CNIH3: variants seen among roughly 807,000 people sequenced by gnomAD.
CNIH3 encodes protein cornichon homolog 3.
In CNIH3, 14 loss-of-function variants were observed where a neutral mutation model predicts 24.1. That is an observed-to-expected ratio of 0.58 (90% CI 0.38 to 0.91). The LOEUF is 0.91. Ranked by LOEUF, CNIH3 falls within the 40% of genes least tolerant of loss-of-function variation. The probability of loss-of-function intolerance (pLI) is 0.00; values close to 1 mark genes in which losing one functional copy is unlikely to be tolerated. For synonymous variants in CNIH3, 68 were observed against 73.8 expected, an observed-to-expected ratio of 0.92 and a Z score of 0.40; for missense variants, 178 against 196.8, an observed-to-expected ratio of 0.90 and a Z score of 0.57.
upstream of CNIH3, among the ~76,000 whole-genome samples, chr1:224,613,373 AC>A: frequency 6.6e-6 from 1 of 152,312 alleles, no homozygotes; most frequent in East Asian, 1.9e-4. Flanking sequence ...ATAGGGTATA[AC>A]CCAGAGCAGG....
At chr1:224,438,860 A>G (rs890639362) in intron 1 of CNIH3, among the ~76,000 whole-genome samples, 16 of 152,342 alleles carry the variant, frequency 1.1e-4, no homozygotes, top group African/African-American at 3.6e-4. Flanking sequence ...GGGTCATGAG[A>G]TAACGAATAT....
At chr1:224,493,263 T>C (rs1023971902) in intron 1 of CNIH3, among the ~76,000 whole-genome samples, 6 of 152,194 alleles carry the variant, frequency 3.9e-5, no homozygotes, top group African/African-American at 1.4e-4. Flanking sequence ...GTGTAATATA[T>C]ATGCGGAAAT....
chr1:224,560,214 T>A (rs944441656), intron 3 of CNIH3, among the ~76,000 whole-genome samples: 1 of 152,220 alleles, frequency 6.6e-6, no homozygotes, highest in East Asian at 1.9e-4. Flanking sequence ...TCCTATATTA[T>A]GTAAAACCAC....
chr1:224,581,256 G>GT (rs888876014), intron 4 of CNIH3, among the ~76,000 whole-genome samples: 51 of 151,932 alleles, frequency 3.4e-4, no homozygotes, highest in Admixed American at 8.5e-4. Context: ...GGTTTTGATG[G>GT]TTTTTTTGGA....
chr1:224,670,674 AGT>A (rs919164368), intron 1 of CNIH3, among the ~76,000 whole-genome samples: 6 of 152,094 alleles, frequency 3.9e-5, no homozygotes, highest in Non-Finnish European at 5.9e-5. Context: ...TCCTAAGATG[AGT>A]GTGTGCCAAG....
At chr1:224,607,107 G>T (rs1682459731) in intron 3 of CNIH3, among the ~76,000 whole-genome samples, 1 of 152,198 alleles carries the variant, frequency 6.6e-6, no homozygotes, top group Non-Finnish European at 1.5e-5. Flanking sequence ...GCCATCTTAG[G>T]TATACAAGGG....
chr1:224,596,652 A>T (rs560553619), intron 3 of CNIH3, among the ~76,000 whole-genome samples: 1 of 152,264 alleles, frequency 6.6e-6, no homozygotes, highest in Non-Finnish European at 1.5e-5. Flanking sequence ...TGTTTTGTAT[A>T]TGTTTTTGTC....
intron 3 of CNIH3, among the ~76,000 whole-genome samples, chr1:224,685,420 C>A (rs1414431014): frequency 6.6e-6 from 1 of 152,212 alleles, no homozygotes; most frequent in Non-Finnish European, 1.5e-5. Context: ...CGCATGTGGG[C>A]ACACACAGTT....
intron 2 of CNIH3, among the ~76,000 whole-genome samples, chr1:224,544,181 A>G (rs1040490816): frequency 6.6e-6 from 1 of 152,206 alleles, no homozygotes; most frequent in African/African-American, 2.4e-5. Flanking sequence ...TCACCAGTGC[A>G]TTCAGAAATA....
At chr1:224,659,326 C>T (rs182805780) in intron 1 of CNIH3, among the ~76,000 whole-genome samples, 1 of 152,292 alleles carries the variant, frequency 6.6e-6, no homozygotes, top group Admixed American at 6.5e-5. Context: ...CAGAAAGTTA[C>T]ATGGATGTAA....
intron 1 of CNIH3, chr1:224,664,720 G>T (rs1030810578): frequency 6.6e-6 from 1 of 152,108 alleles, no homozygotes; most frequent in Non-Finnish European, 1.5e-5. Flanking sequence ...TTCAGCTTCT[G>T]GGAAACTTAT....
chr1:224,727,917 G>A (rs1689119571), intron 3 of CNIH3, among the ~76,000 whole-genome samples: 2 of 152,128 alleles, frequency 1.3e-5, no homozygotes, highest in Admixed American at 1.3e-4. Context: ...CCAAAAGGCT[G>A]GAGACCTCCG....
chr1:224,699,502 T>A (rs934707873), intron 3 of CNIH3, among the ~76,000 whole-genome samples: 12 of 152,282 alleles, frequency 7.9e-5, no homozygotes, highest in South Asian at 2.1e-4. Context: ...GCAGGGTTGG[T>A]TCCTTCTGAG....
At chr1:224,475,527 T>C (rs778864069) in intron 1 of CNIH3, among the ~76,000 whole-genome samples, 1 of 152,098 alleles carries the variant, frequency 6.6e-6, no homozygotes, top group Admixed American at 6.5e-5. Flanking sequence ...CTACCAAGAC[T>C]GAACCATGAA....
intron 1 of CNIH3, among the ~76,000 whole-genome samples, chr1:224,629,412 C>T (rs1266603226): frequency 2.0e-5 from 3 of 152,148 alleles, no homozygotes; most frequent in Non-Finnish European, 1.5e-5. Flanking sequence ...TCAGGATCTC[C>T]TGAGGGCTGT....
chr1:224,609,036 C>T (rs1019377777), intron 3 of CNIH3, among the ~76,000 whole-genome samples: 3 of 152,172 alleles, frequency 2.0e-5, no homozygotes, highest in Admixed American at 6.5e-5. Flanking sequence ...CACGGGGCCA[C>T]AACCAATTAT....
In CNIH3 at chr1:224,616,826, G is replaced by A; in HGVS notation, c.-349G>A. 9.0e-7 allele frequency: 1 copy of A among 1,111,112 alleles called. No homozygotes were observed. 68.8% of individuals were successfully genotyped at this position (1,111,112 alleles called of 1,614,324 possible). On this transcript the variant is annotated 5_prime_UTR_variant, in exon 1 of 6. Coordinates refer to ENST00000272133, the MANE Select transcript of CNIH3 (RefSeq NM_152495.2). The stretch of plus-strand genomic sequence containing the variant: ...TCCCTCGGTCCTCCGTGGAGTCGTC[G>A]CATCGCTTGTCGTGTTGGTCTCGAG...
At chr1:224,670,746 ACT>A (rs1188807817) in intron 1 of CNIH3, among the ~76,000 whole-genome samples, 1 of 151,980 alleles carries the variant, frequency 6.6e-6, no homozygotes, top group African/African-American at 2.4e-5. Context: ...ACTGGTCATC[ACT>A]CTGCCATTTT....
chr1:224,645,165 A>G (rs1263780187), intron 1 of CNIH3, among the ~76,000 whole-genome samples: 2 of 152,170 alleles, frequency 1.3e-5, no homozygotes, highest in African/African-American at 4.8e-5. Context: ...GAAAAACTGT[A>G]TGCTTACCTT....
Sources: allele counts gnomAD v4.1 joint callset (sites outside exome capture counted in the v4.1 genomes callset), GRCh38; gene constraint gnomAD v4.1.1; transcripts MANE v1.5; gene names NCBI Gene and HGNC (gene_info 2026-07-23, HGNC 2026-07-21).